ZNF892: variants seen among roughly 807,000 people sequenced by gnomAD.
ZNF892 encodes zinc finger protein 892.
At chr2:95,255,185 A>G in the ZNF892 span, among the ~76,000 whole-genome samples, 1 of 151,888 alleles carries the variant, frequency 6.6e-6, no homozygotes, top group African/African-American at 2.4e-5. Flanking sequence ...TGTCAATTTT[A>G]GATCTTTCCT....
the ZNF892 span, among the ~76,000 whole-genome samples, chr2:95,246,724 C>T: frequency 6.6e-6 from 1 of 152,068 alleles, no homozygotes; most frequent in Non-Finnish European, 1.5e-5. Context: ...AACAGACTAG[C>T]AGAGAGCCAA....
At chr2:95,233,304 A>G in the ZNF892 span, among the ~76,000 whole-genome samples, 3 of 151,574 alleles carry the variant, frequency 2.0e-5, no homozygotes, top group South Asian at 4.2e-4. Flanking sequence ...GGCTCAAGCA[A>G]TCCTCCCACC....
the ZNF892 span, among the ~76,000 whole-genome samples, chr2:95,218,730 G>GT: frequency 6.6e-6 from 1 of 152,208 alleles, no homozygotes; most frequent in African/African-American, 2.4e-5. Context: ...CCTGGAAGCT[G>GT]TAAGTCTAAA....
chr2:95,263,193 G>A, the ZNF892 span, among the ~76,000 whole-genome samples: 2 of 152,288 alleles, frequency 1.3e-5, no homozygotes, highest in East Asian at 3.9e-4. Flanking sequence ...AGGTGAGGAG[G>A]ATTGGATGCA....
chr2:95,246,070 A>C, the ZNF892 span, among the ~76,000 whole-genome samples: 1 of 152,118 alleles, frequency 6.6e-6, no homozygotes, highest in African/African-American at 2.4e-5. Context: ...CAAAAAAAGA[A>C]ATTTCAAGCC....
At chr2:95,207,796 G>T in the ZNF892 span, 1 of 398,666 alleles carries the variant, frequency 2.5e-6, no homozygotes, top group Non-Finnish European at 4.4e-6. Context: ...CTCCAGCGCG[G>T]GCCGGAGGAA....
chr2:95,258,698 G>A, the ZNF892 span, among the ~76,000 whole-genome samples: 1 of 152,124 alleles, frequency 6.6e-6, no homozygotes, highest in African/African-American at 2.4e-5. Flanking sequence ...CAGACACAAT[G>A]CCTGACTCCG....
chr2:95,257,184 TC>T, the ZNF892 span, among the ~76,000 whole-genome samples: 84 of 152,326 alleles, frequency 5.5e-4, no homozygotes, highest in African/African-American at 2.0e-3. Flanking sequence ...TGCTGTTTTT[TC>T]CCCATATTTG....
At chr2:95,255,084 T>G in the ZNF892 span, among the ~76,000 whole-genome samples, 11 of 152,348 alleles carry the variant, frequency 7.2e-5, no homozygotes, top group Admixed American at 6.5e-5. Context: ...ATCCTTCAGT[T>G]CTGCTCTGAT....
chr2:95,210,231 G>T, the ZNF892 span, among the ~76,000 whole-genome samples: 1 of 148,906 alleles, frequency 6.7e-6, no homozygotes, highest in East Asian at 2.0e-4. Flanking sequence ...ATATATATGT[G>T]TATATATGTA....
At chr2:95,244,037 C>T in the ZNF892 span, among the ~76,000 whole-genome samples, 1 of 151,054 alleles carries the variant, frequency 6.6e-6, no homozygotes, top group South Asian at 2.1e-4. Context: ...GATCTGTGAC[C>T]TTACCCCCAA....
chr2:95,249,438 G>A, the ZNF892 span, among the ~76,000 whole-genome samples: 2 of 147,864 alleles, frequency 1.4e-5, no homozygotes, highest in Non-Finnish European at 3.0e-5. Flanking sequence ...TAGTAGAGAC[G>A]GGGTTTCACC....
the ZNF892 span, chr2:95,215,296 AT>A: frequency 2.1e-6 from 1 of 473,284 alleles, no homozygotes; most frequent in Non-Finnish European, 3.8e-6. Flanking sequence ...AAATGCAATG[AT>A]TGTGCCAAAG....
At chr2:95,211,669 A>C in the ZNF892 span, 2 of 398,506 alleles carry the variant, frequency 5.0e-6, no homozygotes, top group Admixed American at 8.8e-5. Flanking sequence ...GAGGCAGCTG[A>C]ACTCTCCTCA....
At chr2:95,249,493 C>T in the ZNF892 span, among the ~76,000 whole-genome samples, 12 of 151,096 alleles carry the variant, frequency 7.9e-5, no homozygotes, top group Non-Finnish European at 1.0e-4. Context: ...GTGATCCGCC[C>T]GCCTTAGCCT....
chr2:95,240,261 T>C, the ZNF892 span, among the ~76,000 whole-genome samples: 1 of 152,140 alleles, frequency 6.6e-6, no homozygotes, highest in Non-Finnish European at 1.5e-5. Context: ...ATATCCAGGT[T>C]CTCACATTGG....
At chr2:95,221,991 C>T in the ZNF892 span, among the ~76,000 whole-genome samples, 9 of 152,012 alleles carry the variant, frequency 5.9e-5, no homozygotes, top group Admixed American at 5.9e-4. Context: ...TTCTTCCTCC[C>T]TTCTTCCTTT....
At chr2:95,263,457 G>T in the ZNF892 span, among the ~76,000 whole-genome samples, 1 of 152,104 alleles carries the variant, frequency 6.6e-6, no homozygotes, top group Non-Finnish European at 1.5e-5. Flanking sequence ...ATTTCTTTCA[G>T]AAATAATAGA....
At chr2:95,228,815 A>G in the ZNF892 span, among the ~76,000 whole-genome samples, 910 of 152,266 alleles carry the variant, frequency 6.0e-3, 5 homozygotes, top group African/African-American at 0.021. Flanking sequence ...GGCCCCCAAA[A>G]TCATTAAGGA....
Sources: gnomAD v4.1 joint callset for allele counts (sites outside exome capture counted in the v4.1 genomes callset) on GRCh38, gnomAD v4.1.1 for gene constraint, MANE v1.5 for transcripts, NCBI Gene and HGNC (gene_info 2026-07-23, HGNC 2026-07-21) for gene names.